The following FAM168B variants were observed in gnomAD, a reference collection of about 807,000 sequenced individuals.
FAM168B encodes the protein family with sequence similarity 168 member B, also known as myelin-associated neurite-outgrowth inhibitor.
A neutral mutation model predicts 21.8 loss-of-function variants in FAM168B; 19 were observed. That is an observed-to-expected ratio of 0.87 (90% CI 0.61 to 1.28). The LOEUF is 1.28. FAM168B is among the 50% of genes most tolerant of loss of function. FAM168B has a pLI of 0.00. For missense variants in FAM168B, 233 were observed against 263.1 expected, an observed-to-expected ratio of 0.89 and a Z score of 0.79; for synonymous variants, 126 against 104.8, an observed-to-expected ratio of 1.20 and a Z score of -1.24.
intron 2 of FAM168B, among the ~76,000 whole-genome samples, chr2:131,077,214 A>T (rs1368004044): frequency 2.0e-5 from 2 of 98,530 alleles, no homozygotes; most frequent in Non-Finnish European, 4.0e-5. Flanking sequence ...ATTACATTTA[A>T]AAAAAAAAAA....
chr2:131,092,185 ACTGT>A (rs1185029116), intron 1 of FAM168B, among the ~76,000 whole-genome samples: 6 of 151,976 alleles, frequency 3.9e-5, no homozygotes, highest in Non-Finnish European at 7.4e-5. Flanking sequence ...AGGAAAAGAA[ACTGT>A]CTAAGACAAC....
At chr2:131,053,623 TC>T (rs1691829415) in intron 5 of FAM168B, among the ~76,000 whole-genome samples, 1 of 152,160 alleles carries the variant, frequency 6.6e-6, no homozygotes, top group South Asian at 2.1e-4. Context: ...ATGTCTGTAA[TC>T]CCAACACTCT....
At position 131,081,756 on chromosome 2, in the gene FAM168B, G is replaced by A. The variant is rs76680620; in HGVS notation, c.70+821C>T. On this transcript the variant is annotated intron_variant, in intron 2 of 6. Coordinates refer to ENST00000389915, the MANE Select transcript of FAM168B (RefSeq NM_001009993.4). ...ACCCACAAATAGCACATGTGCCCAG[G>A]ACAGGCACGACATTAGTTCAAAGGC... 7.2e-3 allele frequency among the ~76,000 whole-genome samples: 1,102 copies of A among 152,226 alleles called. 19 individuals are homozygous for A. The highest frequency in any genetic ancestry group is 0.026 in the African/African-American group (1,067 of 41,532).
Position 131,049,046 on chromosome 2 carries a change from A to AC in FAM168B, c.*3418dup. 1 of 985,442 alleles carries AC rather than the reference A, an allele frequency of 1.0e-6. No individual in the cohort carries two copies. The highest frequency in any genetic ancestry group is 1.1e-4 in the East Asian group (1 of 8,816). The allele number at this position is 985,442 out of a possible 1,614,324, so 61.0% of individuals were successfully genotyped here. A position where few individuals can be genotyped will look rare whatever the true frequency, so the allele number is the denominator to read the frequency against. On this transcript the variant is annotated 3_prime_UTR_variant, in exon 7 of 7. Coordinates refer to ENST00000389915, the MANE Select transcript of FAM168B (RefSeq NM_001009993.4). ...TAAAGCAGACACCAATACTTACATAACTAGTACATGTTGGCCTTTCACCAG... is the reference window on the plus strand; with the variant it reads ...TAAAGCAGACACCAATACTTACATAACCTAGTACATGTTGGCCTTTCACCAG...
chr2:131,085,274 G>C (rs1158803265), intron 1 of FAM168B, among the ~76,000 whole-genome samples: 4 of 152,016 alleles, frequency 2.6e-5, no homozygotes, highest in Admixed American at 6.6e-5. Flanking sequence ...ATATAATAAG[G>C]TTCCATCTCT....
intron 3 of FAM168B, among the ~76,000 whole-genome samples, chr2:131,066,922 T>G (rs1291215950): frequency 6.6e-6 from 1 of 152,198 alleles, no homozygotes; most frequent in African/African-American, 2.4e-5. Context: ...AGAGGTTTAA[T>G]GGACTCACAG....
chr2:131,084,209 AGACAG>A (rs1435865055), intron 1 of FAM168B, among the ~76,000 whole-genome samples: 2 of 62,666 alleles, frequency 3.2e-5, no homozygotes, highest in Non-Finnish European at 5.9e-5. Context: ...CCCCACCCCA[AGACAG>A]GGTCTTGCTC....
intron 3 of FAM168B, among the ~76,000 whole-genome samples, chr2:131,068,517 G>C (rs1356725746): frequency 6.6e-6 from 1 of 152,166 alleles, no homozygotes; most frequent in African/African-American, 2.4e-5. Flanking sequence ...CAGAAGATCT[G>C]GCACTGGTGA....
In FAM168B at chr2:131,052,082, G is replaced by A. The variant is rs1009743539; in HGVS notation, c.*383C>T. 4 of 985,618 alleles carry A rather than the reference G, an allele frequency of 4.1e-6. No homozygotes were observed. The highest frequency in any genetic ancestry group is 3.5e-5 in the African/African-American group (2 of 57,228). The allele number at this position is 985,618 out of a possible 1,614,324, so 61.1% of individuals were successfully genotyped here. A position where few individuals can be genotyped will look rare whatever the true frequency, so the allele number is the denominator to read the frequency against. On this transcript the variant is annotated 3_prime_UTR_variant, in exon 7 of 7. Coordinates refer to ENST00000389915, the MANE Select transcript of FAM168B (RefSeq NM_001009993.4). ...ATTAGTGATACAAGTTGTAAAATAC[G>A]TTTCCATTCCTTTGGATTTTGCATA...
chr2:131,069,334 A>G (rs1692737822), intron 3 of FAM168B, among the ~76,000 whole-genome samples: 1 of 152,260 alleles, frequency 6.6e-6, no homozygotes. Context: ...CCACATTGAT[A>G]CGTATGCCAA....
At chr2:131,079,419 G>A (rs978600753) in intron 2 of FAM168B, among the ~76,000 whole-genome samples, 1 of 152,222 alleles carries the variant, frequency 6.6e-6, no homozygotes, top group Non-Finnish European at 1.5e-5. Flanking sequence ...ATGTTGCAGA[G>A]AGCCAAGATC....
intron 3 of FAM168B, 97 bp from the exon 4 acceptor site, chr2:131,055,792 A>C (rs1573751486): frequency 6.8e-7 from 1 of 1,464,086 alleles, no homozygotes. Context: ...TGTCAGCCCC[A>C]CGCAACTCGC....
chr2:131,080,327 C>T (rs115738527), intron 2 of FAM168B, among the ~76,000 whole-genome samples: 3,018 of 150,250 alleles, frequency 0.02, 109 homozygotes, highest in African/African-American at 0.07. Flanking sequence ...AGTACTGTGA[C>T]ACAAGTAATA....
At chr2:131,060,520 CTA>C (rs1692240110) in intron 3 of FAM168B, among the ~76,000 whole-genome samples, 1 of 152,178 alleles carries the variant, frequency 6.6e-6, no homozygotes, top group Admixed American at 6.5e-5. Context: ...AAAAAATTCA[CTA>C]TGTGATGCTG....
intron 3 of FAM168B, among the ~76,000 whole-genome samples, chr2:131,057,010 A>G (rs186428465): frequency 5.8e-4 from 88 of 152,264 alleles, no homozygotes; most frequent in Non-Finnish European, 9.6e-4. Flanking sequence ...CAAACTGTAC[A>G]CTGAGAAGGA....
intron 1 of FAM168B, among the ~76,000 whole-genome samples, chr2:131,087,670 G>A (rs995906225): frequency 4.6e-5 from 7 of 152,136 alleles, no homozygotes; most frequent in African/African-American, 9.7e-5. Flanking sequence ...CCACCAAGTG[G>A]AGACCCTTAA....
intron 6 of FAM168B, 82 bp downstream of exon 6, chr2:131,052,809 C>G: frequency 6.6e-7 from 1 of 1,511,274 alleles, no homozygotes; most frequent in Non-Finnish European, 8.9e-7. Context: ...CTCGTTAGTG[C>G]TTAAATATGT....
intron 2 of FAM168B, among the ~76,000 whole-genome samples, chr2:131,081,220 C>T (rs1693418817): frequency 6.6e-6 from 1 of 152,156 alleles, no homozygotes; most frequent in Non-Finnish European, 1.5e-5. Flanking sequence ...TTTATATCTG[C>T]AATTCTTCTA....
At position 131,048,310 on chromosome 2, in the gene FAM168B, C is replaced by A. The variant is rs1289520985; in HGVS notation, c.*4155G>T. ...CCTGAGATCTGGCCCAGCTGCCTTGCCCACTGGTCTGCACAGGGACTCATG... is the reference window on the plus strand; with the variant it reads ...CCTGAGATCTGGCCCAGCTGCCTTGACCACTGGTCTGCACAGGGACTCATG... On this transcript the variant is annotated 3_prime_UTR_variant, in exon 7 of 7. Transcript: ENST00000389915. The A allele has an allele frequency of 1.5e-6, 2 of 1,304,228 alleles. No homozygotes were observed. The highest frequency in any genetic ancestry group is 2.0e-6 in the Non-Finnish European group (2 of 988,934). The allele number at this position is 1,304,228 out of a possible 1,614,324, so 80.8% of individuals were successfully genotyped here. A position where few individuals can be genotyped will look rare whatever the true frequency, so the allele number is the denominator to read the frequency against.
Sources: allele counts gnomAD v4.1 joint callset (sites outside exome capture counted in the v4.1 genomes callset), GRCh38; gene constraint gnomAD v4.1.1; transcripts MANE v1.5; gene names NCBI Gene and HGNC (gene_info 2026-07-23, HGNC 2026-07-21).